The following CHN2 variants were observed in gnomAD, a reference collection of about 807,000 sequenced individuals.
CHN2 encodes the protein beta-chimaerin.
In CHN2, 35 loss-of-function variants were observed where a neutral mutation model predicts 56.3. That is an observed-to-expected ratio of 0.62 (90% CI 0.47 to 0.82). The LOEUF (loss-of-function observed/expected upper bound fraction) is 0.82, where lower values mean the gene tolerates loss of function less well. Ranked by LOEUF, CHN2 falls within the 40% of genes least tolerant of loss-of-function variation. The probability of loss-of-function intolerance (pLI) is 0.00; values close to 1 mark genes in which losing one functional copy is unlikely to be tolerated. For synonymous variants in CHN2, 210 were observed against 212.8 expected, an observed-to-expected ratio of 0.99 and a Z score of 0.12; for missense variants, 491 against 580.5, an observed-to-expected ratio of 0.85 and a Z score of 1.58.
At chr7:29,300,489 G>T (rs1016499670) in intron 1 of CHN2, among the ~76,000 whole-genome samples, 2 of 152,096 alleles carry the variant, frequency 1.3e-5, no homozygotes, top group Admixed American at 6.6e-5. Context: ...GGAAAACATT[G>T]CCCTTTTATA....
intron 1 of CHN2, among the ~76,000 whole-genome samples, chr7:29,352,374 T>A (rs553589112): frequency 0.019 from 2,875 of 152,114 alleles, 91 homozygotes; most frequent in African/African-American, 0.066. Context: ...TGTGTATGTG[T>A]GTGTGTCTCT....
chr7:29,280,241 G>A (rs187904593), intron 1 of CHN2, among the ~76,000 whole-genome samples: 3,192 of 151,890 alleles, frequency 0.021, 121 homozygotes, highest in African/African-American at 0.073. Context: ...AAAATTAGCC[G>A]GGCGTGGTGG....
intron 9 of CHN2, among the ~76,000 whole-genome samples, chr7:29,500,356 G>A (rs1020546226): frequency 6.6e-6 from 1 of 152,302 alleles, no homozygotes; most frequent in African/African-American, 2.4e-5. Context: ...TGGGTGCAGT[G>A]GCTAACGCCT....
At chr7:29,492,559 T>A (rs1396604080) in intron 7 of CHN2, among the ~76,000 whole-genome samples, 1 of 152,174 alleles carries the variant, frequency 6.6e-6, no homozygotes, top group Non-Finnish European at 1.5e-5. Flanking sequence ...TCCAGTCTCT[T>A]ACCTATTGTA....
chr7:29,272,721 C>A (rs1188346602), intron 1 of CHN2, among the ~76,000 whole-genome samples: 3 of 152,116 alleles, frequency 2.0e-5, no homozygotes, highest in Non-Finnish European at 4.4e-5. Flanking sequence ...GAAATTAAAA[C>A]TCAGAAATTT....
chr7:29,343,171 G>A (rs563321321), intron 1 of CHN2, among the ~76,000 whole-genome samples: 5 of 152,312 alleles, frequency 3.3e-5, no homozygotes, highest in Admixed American at 1.3e-4. Flanking sequence ...TGGTGGTGAG[G>A]TTGTCTCCAA....
At chr7:29,456,950 T>G (rs1258079676) in intron 6 of CHN2, among the ~76,000 whole-genome samples, 1 of 152,106 alleles carries the variant, frequency 6.6e-6, no homozygotes, top group East Asian at 1.9e-4. Context: ...CCCAGAATCC[T>G]TCTCAACTCA....
chr7:29,419,010 C>T (rs1195212561), intron 6 of CHN2, among the ~76,000 whole-genome samples: 1 of 152,096 alleles, frequency 6.6e-6, no homozygotes, highest in African/African-American at 2.4e-5. Context: ...AGGATGACTT[C>T]TCAGCGTACC....
At chr7:29,146,762 G>GT (rs1378717928) in intron 1 of CHN2, 1 of 1,549,160 alleles carries the variant, frequency 6.5e-7, no homozygotes, top group Non-Finnish European at 8.7e-7. Context: ...TTGTCCCTTT[G>GT]TTTTATTTTG....
At chr7:29,344,145 C>T (rs1797251977) in intron 1 of CHN2, among the ~76,000 whole-genome samples, 1 of 152,164 alleles carries the variant, frequency 6.6e-6, no homozygotes, top group Non-Finnish European at 1.5e-5. Flanking sequence ...TCAAGTCCAT[C>T]CCATTTTCTC....
chr7:29,507,088 C>T lies in CHN2; in HGVS notation c.992-140C>T, dbSNP rs537818803. 7.3e-5 allele frequency: 50 copies of T among 684,748 alleles called. 1 individual carries two copies. Among genetic ancestry groups the T allele is most frequent in the Non-Finnish European group, 1.1e-4 (47 of 427,630 alleles). The allele number at this position is 684,748 out of a possible 1,614,324, so 42.4% of individuals were successfully genotyped here. A position where few individuals can be genotyped will look rare whatever the true frequency, so the allele number is the denominator to read the frequency against. On this transcript the variant is annotated intron_variant, in intron 10 of 12. Transcript: ENST00000222792. Reference sequence around the variant, plus strand: ...CTCCTTTCTGTTGCCTCCTACACTTCAGTGTTACTAGAAGCCAAAAGAGTT... The same window carrying T: ...CTCCTTTCTGTTGCCTCCTACACTTTAGTGTTACTAGAAGCCAAAAGAGTT...
intron 2 of CHN2, among the ~76,000 whole-genome samples, chr7:29,158,062 G>A (rs977598047): frequency 2.6e-5 from 4 of 152,094 alleles, no homozygotes; most frequent in Non-Finnish European, 4.4e-5. Flanking sequence ...AAATAAAGGA[G>A]AAAAAAGACA....
At chr7:29,347,554 C>T (rs898921773) in intron 1 of CHN2, among the ~76,000 whole-genome samples, 1 of 152,068 alleles carries the variant, frequency 6.6e-6, no homozygotes, top group Non-Finnish European at 1.5e-5. Flanking sequence ...TTTAAGCCAT[C>T]AAATCTCGTG....
upstream of CHN2, among the ~76,000 whole-genome samples, chr7:29,189,956 G>T (rs1265668411): frequency 1.3e-5 from 2 of 152,186 alleles, no homozygotes; most frequent in African/African-American, 4.8e-5. Context: ...GCCTCCCTTT[G>T]TCTGCACCCC....
intron 1 of CHN2, among the ~76,000 whole-genome samples, chr7:29,229,671 C>T (rs1786509952): frequency 1.3e-5 from 2 of 152,208 alleles, no homozygotes; most frequent in Admixed American, 6.5e-5. Context: ...TCCAGCCTGA[C>T]ACCTTTTGTT....
chr7:29,485,433 CAG>C (rs1787848541), intron 7 of CHN2, among the ~76,000 whole-genome samples: 1 of 152,108 alleles, frequency 6.6e-6, no homozygotes, highest in African/African-American at 2.4e-5. Flanking sequence ...TATAAAAAAA[CAG>C]GAGTAAAAGA....
chr7:29,337,373 G>A (rs1399551063), intron 1 of CHN2, among the ~76,000 whole-genome samples: 4 of 152,290 alleles, frequency 2.6e-5, no homozygotes, highest in Non-Finnish European at 4.4e-5. Flanking sequence ...CGATTAGGAA[G>A]ACAAATGTCC....
intron 7 of CHN2, among the ~76,000 whole-genome samples, chr7:29,487,221 G>GTTTGT (rs1269743030): frequency 1.4e-4 from 21 of 148,668 alleles, no homozygotes; most frequent in Non-Finnish European, 2.1e-4. Context: ...TTTTTTGTTT[G>GTTTGT]TTTGTTTTGT....
chr7:29,398,417 G>T lies in CHN2; in HGVS notation c.221G>T (p.Gly74Val), dbSNP rs749694587. Residue 74 changes from glycine to valine, a missense_variant, in exon 5 of 13, where the codon GGA (glycine) becomes GTA (valine). Physicochemically the swap from Gly to Val is moderately radical, Grantham distance 109. Coordinates refer to ENST00000222792, the MANE Select transcript of CHN2 (RefSeq NM_004067.4). ...CGGGAGCAGGCGGATGAGCTTCTTG[G>T]AGGCGTGGAGGGTGCCTACATCCTT... ...ISREQADELL[G>V]GVEGAYILRE... The T allele has an allele frequency of 6.2e-7, 1 of 1,613,662 alleles. No individual in the cohort carries two copies. The highest frequency in any genetic ancestry group is 8.5e-7 in the Non-Finnish European group (1 of 1,180,012).
Sources: allele counts gnomAD v4.1 joint callset (sites outside exome capture counted in the v4.1 genomes callset), GRCh38; gene constraint gnomAD v4.1.1; transcripts MANE v1.5; gene names NCBI Gene and HGNC (gene_info 2026-07-23, HGNC 2026-07-21).